Variants in USF1 observed in about 807,000 individuals in gnomAD.
The protein encoded by USF1 is upstream transcription factor 1, also known as upstream stimulatory factor 1.
In USF1, 22 loss-of-function variants were observed where a neutral mutation model predicts 46.3. The observed-to-expected ratio is 0.47, with a 90% confidence interval of 0.34 to 0.68. The LOEUF is 0.68. USF1 is among the 30% of genes least tolerant of loss of function. USF1 has a pLI of 0.01. For synonymous variants in USF1, 150 were observed against 147.0 expected (o/e 1.02, Z -0.15); for missense variants, 287 against 399.3 (o/e 0.72, Z 2.40).
rs1377548266 is a variant in USF1 at position 161,040,608 on chromosome 1, C to G, written c.682G>C (p.Asp228His). The G allele has an allele frequency of 1.2e-6, 2 of 1,612,498 alleles. No homozygotes were observed. The highest frequency in any genetic ancestry group is 1.7e-6 in the Non-Finnish European group (2 of 1,179,848). ...GACTTGGTGCTCTCCATAGAGCAGT[C>G]TGGGATTATCTTGGAGAGCTGCACG... The part of the protein sequence containing the change: ...WIVQLSKIIP[D>H]CSMESTKSGQ... Residue 228 changes from aspartate to histidine, a missense_variant, in exon 9 of 11, where the codon GAC (aspartate) becomes CAC (histidine). Physicochemically the swap from Asp to His is moderately conservative, Grantham distance 81 (BLOSUM62 -1). Coordinates refer to ENST00000368021, the MANE Select transcript of USF1 (RefSeq NM_007122.5). The surrounding 1 kb of genome is among the most constrained non-coding windows in gnomAD (Gnocchi z 4.0).
chr1:161,042,778 G>T (rs1650625318), intron 3 of USF1, 55 bp downstream of exon 3: 1 of 1,612,888 alleles, frequency 6.2e-7, no homozygotes, highest in African/African-American at 1.3e-5. Context: ...GTCTGGTGGG[G>T]AAGGAAGGGA....
In USF1 at chr1:161,039,757, C is replaced by T. The variant is rs34985495; in HGVS notation, c.*163G>A. 11 of 697,474 alleles carry T rather than the reference C, an allele frequency of 1.6e-5. No individual in the cohort carries two copies. The East Asian group carries it at 2.7e-4, about 17-fold the overall frequency. 43.2% of individuals were successfully genotyped at this position (697,474 alleles called of 1,614,324 possible). ...CGTCCACATTGTGTGTTTCACACCA[C>T]TGCAGGCCGCCATATCACAGGGCCT... is the stretch of plus-strand genomic sequence containing the variant. On this transcript the variant is annotated 3_prime_UTR_variant, in exon 11 of 11. Coordinates refer to ENST00000368021, the MANE Select transcript of USF1 (RefSeq NM_007122.5).
chr1:161,040,312 A>G lies in USF1; in HGVS notation c.733T>C (p.Ser245Pro). The change falls in exon 10 of 11, where the codon TCC becomes CCC. Residue 245 changes from serine (S) to proline (P), a missense_variant. Transcript: ENST00000368021. The surrounding 1 kb of genome is among the most constrained non-coding windows in gnomAD (Gnocchi z 4.0). ...KSGQSKGGIL[S>P]KACDYIQELR... ...TCCTGGATATAATCACAAGCTTTGG[A>G]TAGAATCCCACCTTTACTCTGCAAG... 1 of 1,614,182 alleles carries G rather than the reference A, an allele frequency of 6.2e-7. No homozygotes were observed. The highest frequency in any genetic ancestry group is 8.5e-7 in the Non-Finnish European group (1 of 1,180,044).
intron 5 of USF1, 108 bp downstream of exon 5, chr1:161,042,008 G>T: frequency 1.5e-6 from 2 of 1,370,220 alleles, no homozygotes; most frequent in South Asian, 1.3e-5. Flanking sequence ...TTTGGGACAA[G>T]GCAGCCTTAG....
rs1650796369 is a variant in USF1, at chr1:161,045,928, A to T, written c.-156T>A. On this transcript the variant is annotated 5_prime_UTR_variant, in exon 1 of 11. Transcript: ENST00000368021. ...CCTCTCCCGGCCTAGGTATCTCCAT[A>T]GACAGCTGCTCATGCGCACTTCCAG... 6.6e-6 allele frequency: 1 copy of T among 152,282 alleles called. No individual in the cohort carries two copies. The highest frequency in any genetic ancestry group is 1.5e-5 in the Non-Finnish European group (1 of 68,112). 9.4% of individuals were successfully genotyped at this position (152,282 alleles called of 1,614,324 possible). A position where few individuals can be genotyped will look rare whatever the true frequency, so the allele number is the denominator to read the frequency against.
intron 5 of USF1, 83 bp downstream of exon 5, chr1:161,042,033 C>G (rs1451243042): frequency 6.8e-7 from 1 of 1,471,774 alleles, no homozygotes; most frequent in African/African-American, 1.4e-5. Flanking sequence ...CTCACTGTTC[C>G]TAGCTTCACC....
intron 2 of USF1, 38 bp from the exon 3 acceptor site, chr1:161,042,920 A>C: frequency 1.2e-6 from 2 of 1,614,130 alleles, no homozygotes; most frequent in Non-Finnish European, 1.7e-6. Flanking sequence ...GAGTATGAGA[A>C]GAAGTCAATG....
At chr1:161,044,539 A>C (rs1446085882) in intron 1 of USF1, among the ~76,000 whole-genome samples, 2 of 152,206 alleles carry the variant, frequency 1.3e-5, no homozygotes, top group Non-Finnish European at 2.9e-5. Context: ...GGGTATCCAG[A>C]TTTATATAAT....
intron 1 of USF1, 41 bp from the exon 2 acceptor site, chr1:161,043,401 G>C: frequency 6.8e-7 from 1 of 1,471,372 alleles, no homozygotes; most frequent in East Asian, 2.3e-5. Flanking sequence ...TTAGGAAACA[G>C]AACAGTATCT....
Position 161,040,375 on chromosome 1 carries a change from C to G in USF1, c.715-45G>C, listed in dbSNP as rs769201678. On this transcript the variant is annotated intron_variant, in intron 9 of 10. Coordinates refer to ENST00000368021, the MANE Select transcript of USF1 (RefSeq NM_007122.5). This position sits in a 1 kb window ranked among gnomAD's most constrained non-coding sequence, Gnocchi z 4.0. ...AAATGAGAACTAGGATTTCAGATAC[C>G]CAGCTTGCTTTCCAAAAGTAGGTTC... 3.1e-6 allele frequency: 5 copies of G among 1,607,730 alleles called. No homozygotes were observed. The highest frequency in any genetic ancestry group is 4.3e-6 in the Non-Finnish European group (5 of 1,175,828).
intron 1 of USF1, among the ~76,000 whole-genome samples, chr1:161,043,921 G>C (rs6427573): frequency 2.1e-5 from 3 of 146,270 alleles, no homozygotes; most frequent in Non-Finnish European, 4.5e-5. Flanking sequence ...CACTGCACCT[G>C]GCCGAAACAA....
chr1:161,040,437 A>T lies in USF1; in HGVS notation c.715-107T>A. The T allele has an allele frequency of 6.3e-7, 1 of 1,574,842 alleles. No homozygotes were observed. The highest frequency in any genetic ancestry group is 1.2e-5 in the South Asian group (1 of 85,582). On this transcript the variant is annotated intron_variant, in intron 9 of 10. Coordinates refer to ENST00000368021, the MANE Select transcript of USF1 (RefSeq NM_007122.5). The surrounding 1 kb of genome is among the most constrained non-coding windows in gnomAD (Gnocchi z 4.0). ...CTCATTTTCATCTAAGGAAGGTGGTATAATATCTCCCAGGGATACAGGAAC... is the reference window on the plus strand; with the variant it reads ...CTCATTTTCATCTAAGGAAGGTGGTTTAATATCTCCCAGGGATACAGGAAC...
chr1:161,042,950 A>G, intron 2 of USF1, 68 bp from the exon 3 acceptor site: 1 of 1,603,492 alleles, frequency 6.2e-7, no homozygotes, highest in South Asian at 1.1e-5. Context: ...CTGGCCCAGT[A>G]ACATATGGCT....
intron 4 of USF1, 33 bp downstream of exon 4, chr1:161,042,522 T>C: frequency 6.2e-7 from 1 of 1,611,252 alleles, no homozygotes; most frequent in African/African-American, 1.3e-5. Flanking sequence ...CAACCCCAGA[T>C]AACACCTGCA....
At chr1:161,045,211 A>G (rs1271797110) in intron 1 of USF1, among the ~76,000 whole-genome samples, 1 of 152,138 alleles carries the variant, frequency 6.6e-6, no homozygotes, top group African/African-American at 2.4e-5. Context: ...GCAGTCTCTG[A>G]GGACACCCAG....
rs558270930 is a variant in USF1 at position 161,042,329 on chromosome 1, C to T, written c.175-112G>A. On this transcript the variant is annotated intron_variant, in intron 4 of 10. Transcript: ENST00000368021. Reference sequence around the variant, plus strand: ...TTGGATAGGGCCCCAAAACAAAGTCCTTCAGAGACATGGATTCAGCCATTC... The same window carrying T: ...TTGGATAGGGCCCCAAAACAAAGTCTTTCAGAGACATGGATTCAGCCATTC... The T allele has an allele frequency of 5.1e-6, 6 of 1,179,068 alleles. No homozygotes were observed. In the African/African-American group the frequency reaches 9.3e-5, roughly 18 times the overall value. The allele number at this position is 1,179,068 out of a possible 1,614,324, so 73.0% of individuals were successfully genotyped here.
rs1408145308 is a variant in USF1 at position 161,040,878 on chromosome 1, A to C, written c.561-6T>G. The C allele has an allele frequency of 1.2e-6, 2 of 1,614,124 alleles. No individual in the cohort carries two copies. The highest frequency in any genetic ancestry group is 4.5e-5 in the East Asian group (2 of 44,886). ...TCCGGGGAGCTTCTGACTTCCTGAC[A>C]ACAGAGCCCAGGGTGGCCAGAGTAA... On this transcript the variant is annotated splice_region_variant and splice_polypyrimidine_tract_variant and intron_variant, in intron 7 of 10. Transcript: ENST00000368021. The surrounding 1 kb of genome is among the most constrained non-coding windows in gnomAD (Gnocchi z 4.0).
rs1168325333 is a variant in USF1 at position 161,039,889 on chromosome 1, T to C, written c.*31A>G. The stretch of plus-strand genomic sequence containing the variant: ...CTGTTGCTCCTGGGCTATCTGCAGT[T>C]CTTGGGCCCAAAGCCCCTGAATCCC... On this transcript the variant is annotated 3_prime_UTR_variant, in exon 11 of 11. Transcript: ENST00000368021. 7.4e-6 allele frequency: 12 copies of C among 1,612,246 alleles called. No homozygotes were observed. The highest frequency in any genetic ancestry group is 9.3e-6 in the Non-Finnish European group (11 of 1,178,642).
chr1:161,042,728 C>T, intron 3 of USF1, 58 bp from the exon 4 acceptor site: 1 of 1,612,290 alleles, frequency 6.2e-7, no homozygotes, highest in Non-Finnish European at 8.5e-7. Context: ...ACCCCCGTTC[C>T]ATTTGCATGT....
Sources: allele counts gnomAD v4.1 joint callset (sites outside exome capture counted in the v4.1 genomes callset), GRCh38; gene constraint gnomAD v4.1.1; non-coding constraint Gnocchi (gnomAD v3.1); transcripts MANE v1.5; gene names NCBI Gene and HGNC (gene_info 2026-07-23, HGNC 2026-07-21).